The following EPN1 variants were observed in gnomAD, a reference collection of about 807,000 sequenced individuals.
EPN1 encodes the protein epsin-1.
In EPN1, 25 loss-of-function variants were observed where a neutral mutation model predicts 56.9. The ratio of observed to expected loss-of-function variants is 0.44; its 90% CI spans 0.32 to 0.61. EPN1 has a LOEUF of 0.61. Ranked by LOEUF, EPN1 falls within the 20% of genes least tolerant of loss-of-function variation. EPN1 has a pLI of 0.05. For synonymous variants in EPN1, 411 were observed against 361.8 expected (o/e 1.14, Z -1.54); for missense variants, 785 against 823.7 (o/e 0.95, Z 0.58).
At chr19:55,680,275 G>A (rs931087862) in intron 2 of EPN1, among the ~76,000 whole-genome samples, 5 of 152,160 alleles carry the variant, frequency 3.3e-5, no homozygotes, top group Admixed American at 1.3e-4. Flanking sequence ...TCACAGTCAA[G>A]GCATAGAAGG....
chr19:55,697,652 C>T lies in EPN1; in HGVS notation c.*2296C>T, dbSNP rs10410886. ...TCGGCATCTTCTTTTCCCTACAGTG[C>T]GAATTACAAAGTAGCACCACAGATC... On this transcript the variant is annotated 3_prime_UTR_variant, in exon 11 of 11. Coordinates refer to ENST00000270460, the MANE Select transcript of EPN1 (RefSeq NM_001130072.2). The T allele has an allele frequency of 0.067, 10,213 of 152,180 alleles. 673 individuals are homozygous for T. Among genetic ancestry groups the T allele is most frequent in the East Asian group, 0.29 (1,501 of 5,172 alleles). The allele number at this position is 152,180 out of a possible 1,614,324, so 9.4% of individuals were successfully genotyped here. A position where few individuals can be genotyped will look rare whatever the true frequency, so the allele number is the denominator to read the frequency against.
rs1987380950 is a variant in EPN1 at position 55,705,957 on chromosome 19, C to G, written c.*10601C>G. The G allele has an allele frequency of 6.4e-6, 1 of 156,388 alleles. No homozygotes were observed. The highest frequency in any genetic ancestry group is 1.4e-5 in the Non-Finnish European group (1 of 70,948). 9.7% of individuals were successfully genotyped at this position (156,388 alleles called of 1,614,324 possible). On this transcript the variant is annotated 3_prime_UTR_variant, in exon 11 of 11. Coordinates refer to ENST00000270460, the MANE Select transcript of EPN1 (RefSeq NM_001130072.2). ...TTTTCAGTGAGTATAAAGTGTAAGACAAAATAAGTCTTAGTTCAGGTATGC... is the reference window on the plus strand; with the variant it reads ...TTTTCAGTGAGTATAAAGTGTAAGAGAAAATAAGTCTTAGTTCAGGTATGC...
In EPN1 at chr19:55,685,662, G is replaced by A. The variant is rs1345177513; in HGVS notation, c.478+17G>A. ...CCGCCACGGGTGAGTCCCTCCCTGC[G>A]GCCCCTGACGGCCTAGAGTCTGTCC... On this transcript the variant is annotated intron_variant, in intron 3 of 10. Coordinates refer to ENST00000270460, the MANE Select transcript of EPN1 (RefSeq NM_001130072.2). 4 of 1,577,710 alleles carry A rather than the reference G, an allele frequency of 2.5e-6. No homozygotes were observed. Among genetic ancestry groups the A allele is most frequent in the Admixed American group, 1.8e-5 (1 of 55,550 alleles).
At position 55,692,032 on chromosome 19, in the gene EPN1, G is replaced by A. The variant is rs1261987122; in HGVS notation, c.1041G>A (p.Thr347=). The change falls in exon 7 of 11, where the codon ACG becomes ACA. Residue 347 remains threonine (T), a synonymous_variant. Transcript: ENST00000270460. The stretch of plus-strand genomic sequence containing the variant: ...CCCCTGCAGCTGGGGAGGGGCCCAC[G>A]CCTGATCCATGGGGAAGTTCCGATG... The part of the protein sequence containing the change: ...TPAPAAGEGP[T]PDPWGSSDGG... 7.5e-6 allele frequency: 11 copies of A among 1,460,686 alleles called. No homozygotes were observed. The highest frequency in any genetic ancestry group is 2.6e-4 in the Middle Eastern group (1 of 3,916). The allele number at this position is 1,460,686 out of a possible 1,614,324, so 90.5% of individuals were successfully genotyped here.
chr19:55,677,528 G>T, intron 1 of EPN1: 1 of 1,392,404 alleles, frequency 7.2e-7, no homozygotes, highest in Admixed American at 2.1e-5. Flanking sequence ...GTGTGACCTT[G>T]GTTGAATTAT....
At chr19:55,678,982 C>G (rs1205147171) in intron 2 of EPN1, 127 bp downstream of exon 2, 1 of 666,450 alleles carries the variant, frequency 1.5e-6, no homozygotes. Context: ...AGTAAAATCT[C>G]TCTTTTTGTT....
rs1317395458 is a variant in EPN1, at chr19:55,685,607, C to T, written c.440C>T (p.Ala147Val). 7 of 1,603,412 alleles carry T rather than the reference C, an allele frequency of 4.4e-6. No individual in the cohort carries two copies. The highest frequency in any genetic ancestry group is 6.0e-6 in the Non-Finnish European group (7 of 1,175,832). Residue 147 changes from alanine to valine, a missense_variant, in exon 3 of 11, where the codon GCG becomes GTG. Around this residue, in one of 2 missense-constraint regions of EPN1, gnomAD observed 135 missense variants for 218.7 expected, o/e 0.62. Transcript: ENST00000270460. Reference sequence around the variant, plus strand: ...CGGCTGCGGGAAGAGCGGGCGCACGCGCTCAAGACCAAGGAAAAGCTGGCA... The same window carrying T: ...CGGCTGCGGGAAGAGCGGGCGCACGTGCTCAAGACCAAGGAAAAGCTGGCA... Reference protein sequence around the residue: ...EDRLREERAHALKTKEKLAQT... With the variant: ...EDRLREERAHVLKTKEKLAQT...
intron 2 of EPN1, among the ~76,000 whole-genome samples, chr19:55,681,316 C>T (rs1985805247): frequency 6.6e-6 from 1 of 152,180 alleles, no homozygotes; most frequent in South Asian, 2.1e-4. Flanking sequence ...TCTCCTTTTC[C>T]TCTGTTTTCC....
intron 2 of EPN1, among the ~76,000 whole-genome samples, chr19:55,683,052 G>A (rs1299097350): frequency 6.6e-6 from 1 of 150,630 alleles, no homozygotes; most frequent in Non-Finnish European, 1.5e-5. Flanking sequence ...ACCGCGCCCA[G>A]CCTGTTTTTT....
Position 55,701,783 on chromosome 19 carries a change from C to T in EPN1, c.*6427C>T, listed in dbSNP as rs1240782645. ...GAGTTTAATAGGCAAAAGGAAGAAA[C>T]AGCTCTGTCACAGAGACGGGTCCCG... On this transcript the variant is annotated 3_prime_UTR_variant, in exon 11 of 11. Coordinates refer to ENST00000270460, the MANE Select transcript of EPN1 (RefSeq NM_001130072.2). 6.6e-6 allele frequency: 1 copy of T among 151,564 alleles called. No individual in the cohort carries two copies. The highest frequency in any genetic ancestry group is 1.5e-5 in the Non-Finnish European group (1 of 68,032). The allele number at this position is 151,564 out of a possible 1,614,324, so 9.4% of individuals were successfully genotyped here. A position where few individuals can be genotyped will look rare whatever the true frequency, so the allele number is the denominator to read the frequency against.
rs1987300170 is a variant in EPN1 at position 55,704,505 on chromosome 19, C to G, written c.*9149C>G. 6.6e-6 allele frequency: 1 copy of G among 152,366 alleles called. No homozygotes were observed. The highest frequency in any genetic ancestry group is 1.9e-4 in the East Asian group (1 of 5,182). The allele number at this position is 152,366 out of a possible 1,614,324, so 9.4% of individuals were successfully genotyped here. On this transcript the variant is annotated 3_prime_UTR_variant, in exon 11 of 11. Transcript: ENST00000270460. ...CAAGGAGAGAGGCCTTGGCGGAAGC[C>G]AACCCTGCAGCACCTTCATCTTGAA... is the stretch of plus-strand genomic sequence containing the variant.
chr19:55,676,803 C>T (rs978986945), intron 1 of EPN1: 2 of 175,656 alleles, frequency 1.1e-5, no homozygotes, highest in Admixed American at 6.2e-5. Flanking sequence ...TCTTCCTTGG[C>T]CTCCTGCCTC....
chr19:55,688,841 G>C, intron 3 of EPN1, 29 bp from the exon 4 acceptor site: 1 of 1,565,872 alleles, frequency 6.4e-7, no homozygotes, highest in Non-Finnish European at 8.7e-7. Flanking sequence ...CCTGGTCTGG[G>C]TCTCACGCGT....
chr19:55,689,228 A>ACCCTGGCTCTGC lies in EPN1; in HGVS notation c.604-67_604-56dup. The ACCCTGGCTCTGC allele has an allele frequency of 7.9e-7, 1 of 1,267,794 alleles. No homozygotes were observed. The allele number at this position is 1,267,794 out of a possible 1,614,324, so 78.5% of individuals were successfully genotyped here. A position where few individuals can be genotyped will look rare whatever the true frequency, so the allele number is the denominator to read the frequency against. On this transcript the variant is annotated intron_variant, in intron 4 of 10. Transcript: ENST00000270460. This position sits in a 1 kb window ranked among gnomAD's most constrained non-coding sequence, Gnocchi z 5.7. ...CCCTCTCTTTCTTCGGCTCTATCTG[A>ACCCTGGCTCTGC]CCCTGGCTCTGCCTCTGACTCTGCC...
In EPN1 at chr19:55,678,723, C is replaced by A. The variant is rs369216651; in HGVS notation, c.96C>A (p.Pro32=). The A allele has an allele frequency of 6.2e-7, 1 of 1,614,220 alleles. No homozygotes were observed. Among genetic ancestry groups the A allele is most frequent in the Non-Finnish European group, 8.5e-7 (1 of 1,180,034 alleles). The change falls in exon 2 of 11, where the codon CCC becomes CCA. Residue 32 remains proline, a synonymous_variant. Coordinates refer to ENST00000270460, the MANE Select transcript of EPN1 (RefSeq NM_001130072.2). ...IKVREATSND[P]WGPSSSLMSE... is the part of the protein sequence containing the mutation. ...TTCGAGAGGCCACGAGCAATGACCC[C>A]TGGGGCCCATCCAGCTCCCTCATGT... is the stretch of plus-strand genomic sequence containing the variant.
intron 1 of EPN1, chr19:55,677,329 G>A (rs1192915887): frequency 1.3e-6 from 1 of 761,844 alleles, no homozygotes; most frequent in Non-Finnish European, 2.3e-6. Flanking sequence ...TACATGTAAA[G>A]CACTTAAAAC....
Position 55,689,672 on chromosome 19 carries a change from A to T in EPN1, c.679-195A>T, listed in dbSNP as rs1986406252. On this transcript the variant is annotated intron_variant, in intron 5 of 10. Coordinates refer to ENST00000270460, the MANE Select transcript of EPN1 (RefSeq NM_001130072.2). The surrounding 1 kb of genome is among the most constrained non-coding windows in gnomAD (Gnocchi z 5.7). ...CCCGGGTGCGCCAGCACAGCACCCC[A>T]CTCCCCTTATCCCCTGTCCCGCCTG... is the stretch of plus-strand genomic sequence containing the variant. 6.6e-6 allele frequency among the ~76,000 whole-genome samples: 1 copy of T among 150,948 alleles called. No individual in the cohort carries two copies. The highest frequency in any genetic ancestry group is 2.4e-5 in the African/African-American group (1 of 40,976).
At chr19:55,683,646 C>T (rs1985975911) in intron 2 of EPN1, among the ~76,000 whole-genome samples, 1 of 152,264 alleles carries the variant, frequency 6.6e-6, no homozygotes. Flanking sequence ...AGCCACCACA[C>T]CTGGCCTCAT....
intron 9 of EPN1, 127 bp downstream of exon 9, chr19:55,693,164 G>T: frequency 2.5e-6 from 2 of 793,848 alleles, no homozygotes; most frequent in Non-Finnish European, 4.1e-6. Context: ...GAAAAGTTCA[G>T]TTGGGTAGAG....
Sources: allele counts gnomAD v4.1 joint callset (sites outside exome capture counted in the v4.1 genomes callset), GRCh38; gene constraint gnomAD v4.1.1; regional missense constraint gnomAD v4.1.1; non-coding constraint Gnocchi (gnomAD v3.1); transcripts MANE v1.5; gene names NCBI Gene and HGNC (gene_info 2026-07-23, HGNC 2026-07-21).